LIAS: variants seen among roughly 807,000 people sequenced by gnomAD.
The protein encoded by LIAS is lipoic acid synthetase.
LIAS carries 36 observed loss-of-function variants against 49.4 expected under a neutral mutation model. That is an observed-to-expected ratio of 0.73 (90% CI 0.56 to 0.96). LIAS has a LOEUF of 0.96. Among genes scored for constraint, LIAS ranks in the 40% least tolerant of loss-of-function variants. The pLI, the probability that LIAS is intolerant of heterozygous loss-of-function variation, is 0.00. For synonymous variants in LIAS, 145 were observed against 155.8 expected, an observed-to-expected ratio of 0.93 and a Z score of 0.52; for missense variants, 399 against 456.3, an observed-to-expected ratio of 0.87 and a Z score of 1.14.
chr4:39,462,401 G>T (rs1744552251), intron 3 of LIAS, 112 bp downstream of exon 3: 1 of 357,066 alleles, frequency 2.8e-6, no homozygotes, highest in Admixed American at 4.8e-5. Context: ...AAGTAAATAT[G>T]TTAAGTGATA....
intron 6 of LIAS, among the ~76,000 whole-genome samples, chr4:39,465,668 A>T (rs1404489852): frequency 1.4e-5 from 2 of 146,238 alleles, no homozygotes; most frequent in Admixed American, 6.8e-5. Flanking sequence ...CTTAGTAATG[A>T]TTTTTTTTTT....
Position 39,463,537 on chromosome 4 carries a change from G to A in LIAS, c.325G>A (p.Ala109Thr). 1 of 1,607,796 alleles carries A rather than the reference G, an allele frequency of 6.2e-7. No homozygotes were observed. Among genetic ancestry groups the A allele is most frequent in the Non-Finnish European group, 8.5e-7 (1 of 1,176,280 alleles). Reference protein sequence around the residue: ...NLNLHTVCEEARCPNIGECWG... With the variant: ...NLNLHTVCEETRCPNIGECWG... ...CTTTTGCATACAGGTATGTGAGGAA[G>A]CTCGATGTCCCAATATTGGAGAGTG... The change falls in exon 4 of 11, where the codon GCT (alanine) becomes ACT (threonine). Residue 109 changes from alanine to threonine, a missense_variant. This residue lies in a region of LIAS where 159 missense variants were observed against 147.6 expected (regional missense o/e 1.08). Coordinates refer to ENST00000640888, the MANE Select transcript of LIAS (RefSeq NM_006859.4).
intron 3 of LIAS, 94 bp from the exon 4 acceptor site, chr4:39,463,431 C>T: frequency 7.1e-7 from 1 of 1,400,678 alleles, no homozygotes; most frequent in Non-Finnish European, 9.4e-7. Flanking sequence ...ATGTTGTAAA[C>T]AATGAGAAGT....
rs373816064 is a variant in LIAS at position 39,470,059 on chromosome 4, C to A, written c.778C>A (p.Arg260Ser). 1 of 1,613,854 alleles carries A rather than the reference C, an allele frequency of 6.2e-7. No homozygotes were observed. The highest frequency in any genetic ancestry group is 1.7e-5 in the Admixed American group (1 of 59,996). ...TCGGGCCAATTTTGATCAGTCCCTA[C>A]GTGTACTGAAACATGCCAAGAAGGT... ...DPRANFDQSL[R>S]VLKHAKKVQP... The change falls in exon 8 of 11, where the codon CGT becomes AGT. Residue 260 changes from arginine (R) to serine (S), a missense_variant. This residue lies in a region of LIAS where 234 missense variants were observed against 292.2 expected (regional missense o/e 0.80). Coordinates refer to ENST00000640888, the MANE Select transcript of LIAS (RefSeq NM_006859.4).
intron 9 of LIAS, among the ~76,000 whole-genome samples, chr4:39,471,516 A>ATT (rs1290713850): frequency 4.1e-5 from 3 of 73,254 alleles, no homozygotes; most frequent in African/African-American, 1.5e-4. Flanking sequence ...ACATATATAT[A>ATT]ATTTTTTTTT....
intron 2 of LIAS, 25 bp from the exon 3 acceptor site, chr4:39,462,171 G>C (rs908541464): frequency 9.1e-7 from 1 of 1,093,936 alleles, no homozygotes; most frequent in Non-Finnish European, 1.3e-6. Flanking sequence ...TTTGTTAATA[G>C]ATAGTTATGT....
At chr4:39,473,746 T>C (rs1745076267) in intron 10 of LIAS, 1 of 152,250 alleles carries the variant, frequency 6.6e-6, no homozygotes, top group Non-Finnish European at 1.5e-5. Flanking sequence ...CGTTTAGTTG[T>C]TTTACTAGCT....
In LIAS at chr4:39,460,964, TAATTGAA is replaced by T. The variant is rs1744469604; in HGVS notation, c.218+7_218+13del. On this transcript the variant is annotated splice_donor_5th_base_variant and intron_variant, in intron 2 of 10. Coordinates refer to ENST00000640888, the MANE Select transcript of LIAS (RefSeq NM_006859.4). ...CCTAAAACGCCAGAAAGGAGAAAGG[TAATTGAA>T]AATTTGAGATAATTTTAACGTCCCG... 1 of 1,580,908 alleles carries T rather than the reference TAATTGAA, an allele frequency of 6.3e-7. No individual in the cohort carries two copies. The highest frequency in any genetic ancestry group is 1.4e-5 in the African/African-American group (1 of 73,174).
chr4:39,464,472 A>G (rs1350086849), intron 4 of LIAS, among the ~76,000 whole-genome samples: 1 of 152,112 alleles, frequency 6.6e-6, no homozygotes, highest in Non-Finnish European at 1.5e-5. Context: ...TAAACTGTAT[A>G]TTAGAATCCC....
chr4:39,467,337 TCTG>T (rs1361075755), intron 6 of LIAS, 178 bp from the exon 7 acceptor site: 10 of 442,396 alleles, frequency 2.3e-5, no homozygotes, highest in Non-Finnish European at 3.8e-5. Flanking sequence ...TATTTAACGG[TCTG>T]CTTTTTTTTT....
intron 1 of LIAS, among the ~76,000 whole-genome samples, chr4:39,460,550 A>C (rs1744427176): frequency 6.6e-6 from 1 of 151,748 alleles, no homozygotes; most frequent in East Asian, 1.9e-4. Flanking sequence ...AAAAAAAAAA[A>C]AACAGATTTC....
chr4:39,473,004 A>G (rs1484986474), intron 9 of LIAS, 96 bp from the exon 10 acceptor site: 6 of 691,196 alleles, frequency 8.7e-6, no homozygotes, highest in Non-Finnish European at 1.5e-5. Context: ...AAGATAAATT[A>G]CGCAGTGAAG....
At position 39,460,929 on chromosome 4, in the gene LIAS, A is replaced by T; in HGVS notation, c.185A>T (p.Tyr62Phe). 1 of 1,607,388 alleles carries T rather than the reference A, an allele frequency of 6.2e-7. No homozygotes were observed. The highest frequency in any genetic ancestry group is 1.7e-5 in the Admixed American group (1 of 58,788). ...DLADRSTWDE[Y>F]KGNLKRQKGE... ...GCAGACAGGAGCACCTGGGATGAAT[A>T]TAAAGGAAACCTAAAACGCCAGAAA... The change falls in exon 2 of 11, where the codon TAT becomes TTT. Residue 62 changes from tyrosine to phenylalanine, a missense_variant. By Grantham distance (22) the Tyr-to-Phe change is conservative. Transcript: ENST00000640888.
rs1432601912 is a variant in LIAS at position 39,459,160 on chromosome 4, C to T, written c.43C>T (p.Arg15Trp). The T allele has an allele frequency of 4.3e-6, 7 of 1,612,702 alleles. No individual in the cohort carries two copies. Among genetic ancestry groups the T allele is most frequent in the African/African-American group, 1.3e-5 (1 of 74,928 alleles). Reference sequence around the variant, plus strand: ...GGATGCAGCCCGCACCCTGGGGCCCCGGGTGAGCGGCGGGGCGAACGGGTT... The same window carrying T: ...GGATGCAGCCCGCACCCTGGGGCCCTGGGTGAGCGGCGGGGCGAACGGGTT... ...CGDAARTLGP[R>W]VFGRYFCSPV... is the part of the protein sequence containing the mutation. The change falls in exon 1 of 11, where the codon CGG becomes TGG. Residue 15 changes from arginine (R) to tryptophan (W), a missense_variant and splice_region_variant. Physicochemically the swap from Arg to Trp is moderately radical, Grantham distance 101. Coordinates refer to ENST00000640888, the MANE Select transcript of LIAS (RefSeq NM_006859.4).
chr4:39,466,707 GT>G (rs1340439049), intron 6 of LIAS: 1 of 151,142 alleles, frequency 6.6e-6, no homozygotes, highest in African/African-American at 2.4e-5. Flanking sequence ...GCAAGACCCT[GT>G]TTTTATTTAA....
rs999105881 is a variant in LIAS at position 39,459,142 on chromosome 4, G to C, written c.25G>C (p.Ala9Pro). MSLRCGDAARTLGPRVFGR... is the reference protein window; with the variant it reads MSLRCGDAPRTLGPRVFGR... Reference sequence around the variant, plus strand: ...AATGTCTCTACGCTGCGGGGATGCAGCCCGCACCCTGGGGCCCCGGGTGAG... The same window carrying C: ...AATGTCTCTACGCTGCGGGGATGCACCCCGCACCCTGGGGCCCCGGGTGAG... Residue 9 changes from alanine to proline, a missense_variant, in exon 1 of 11, where the codon GCC becomes CCC. By Grantham distance (27) the Ala-to-Pro change is conservative. Around this residue, in one of 3 missense-constraint regions of LIAS, gnomAD observed 159 missense variants for 147.6 expected, o/e 1.08. Transcript: ENST00000640888. 6.2e-7 allele frequency: 1 copy of C among 1,613,758 alleles called. No homozygotes were observed. The highest frequency in any genetic ancestry group is 8.5e-7 in the Non-Finnish European group (1 of 1,180,004).
Position 39,469,711 on chromosome 4 carries a change from TCTTA to T in LIAS, c.738-304_738-301del, listed in dbSNP as rs200925750. The T allele has an allele frequency of 4.0e-3, 997 of 250,064 alleles. 10 individuals carry two copies. Among genetic ancestry groups the T allele is most frequent in the African/African-American group, 0.021 (923 of 44,968 alleles). The allele number at this position is 250,064 out of a possible 1,614,324, so 15.5% of individuals were successfully genotyped here. A position where few individuals can be genotyped will look rare whatever the true frequency, so the allele number is the denominator to read the frequency against. On this transcript the variant is annotated intron_variant, in intron 7 of 10. Transcript: ENST00000640888. ...TTTTCTTTGTTCAGTATGGAGACTCTCTTACTTCTGCTTTTTTTCCTTTCTCTTC... is the reference window on the plus strand; with the variant it reads ...TTTTCTTTGTTCAGTATGGAGACTCTCTTCTGCTTTTTTTCCTTTCTCTTC...
chr4:39,476,182 A>G (rs991755479), intron 10 of LIAS: 2 of 152,220 alleles, frequency 1.3e-5, no homozygotes, highest in Admixed American at 6.5e-5. Flanking sequence ...GATGCTTTCT[A>G]AATTACCAGG....
intron 1 of LIAS, among the ~76,000 whole-genome samples, chr4:39,460,143 G>A (rs1744390227): frequency 6.6e-6 from 1 of 152,158 alleles, no homozygotes; most frequent in Non-Finnish European, 1.5e-5. Context: ...TTAAACTGTG[G>A]CACCTTCTTC....
Sources: gnomAD v4.1 joint callset for allele counts (sites outside exome capture counted in the v4.1 genomes callset) on GRCh38, gnomAD v4.1.1 for gene constraint, gnomAD v4.1.1 regional missense constraint, MANE v1.5 for transcripts, NCBI Gene and HGNC (gene_info 2026-07-23, HGNC 2026-07-21) for gene names.